HSF2BP: variants seen among roughly 807,000 people sequenced by gnomAD.
The protein encoded by HSF2BP is heat shock factor 2-binding protein.
HSF2BP carries 35 observed loss-of-function variants against 35.0 expected under a neutral mutation model. The observed-to-expected ratio is 1.00, with a 90% confidence interval of 0.76 to 1.32. The LOEUF is 1.32. Ranked by LOEUF, HSF2BP falls within the 40% of genes most tolerant of loss-of-function variation. The pLI is 0.00. For synonymous variants in HSF2BP, 114 were observed against 117.4 expected (o/e 0.97, Z 0.18); for missense variants, 326 against 321.7 (o/e 1.01, Z -0.10).
intron 6 of HSF2BP, among the ~76,000 whole-genome samples, chr21:43,620,349 T>G (rs1009550624): frequency 6.6e-6 from 1 of 152,188 alleles, no homozygotes; most frequent in Admixed American, 6.5e-5. Context: ...CAAGATAACA[T>G]AGAAAAGTAA....
intron 3 of HSF2BP, among the ~76,000 whole-genome samples, chr21:43,645,782 C>G (rs2082700918): frequency 6.6e-6 from 1 of 152,082 alleles, no homozygotes; most frequent in Admixed American, 6.6e-5. Context: ...GCGGGTAGGG[C>G]TTTCGAATCT....
chr21:43,616,041 G>GAA (rs72045043), intron 6 of HSF2BP, among the ~76,000 whole-genome samples: 2,021 of 141,240 alleles, frequency 0.014, 46 homozygotes, highest in African/African-American at 0.044. Flanking sequence ...CATCGCTGAA[G>GAA]AAAAAAAAAA....
intron 8 of HSF2BP, among the ~76,000 whole-genome samples, chr21:43,584,233 A>C (rs1359897532): frequency 6.6e-6 from 1 of 151,732 alleles, no homozygotes; most frequent in Non-Finnish European, 1.5e-5. Flanking sequence ...TGAAGACCTG[A>C]TGAGGGAGAT....
chr21:43,592,934 C>T (rs1489398957), intron 7 of HSF2BP, among the ~76,000 whole-genome samples: 1 of 152,200 alleles, frequency 6.6e-6, no homozygotes, highest in Non-Finnish European at 1.5e-5. Flanking sequence ...AACTACAGGA[C>T]TTTGGTTTCT....
At chr21:43,629,683 G>A (rs2082430643) in intron 6 of HSF2BP, among the ~76,000 whole-genome samples, 1 of 152,078 alleles carries the variant, frequency 6.6e-6, no homozygotes, top group Admixed American at 6.5e-5. Context: ...CAGACGTGGT[G>A]GCAGAAAAAA....
At chr21:43,623,767 T>C (rs904594732) in intron 6 of HSF2BP, among the ~76,000 whole-genome samples, 2 of 152,164 alleles carry the variant, frequency 1.3e-5, no homozygotes, top group Admixed American at 6.5e-5. Context: ...GCTATTGTCC[T>C]GACAGATGAT....
chr21:43,612,519 C>T (rs1299929287), intron 7 of HSF2BP, among the ~76,000 whole-genome samples: 5 of 151,984 alleles, frequency 3.3e-5, no homozygotes, highest in East Asian at 3.9e-4. Flanking sequence ...GGCGTGGTGG[C>T]GGGCGCCTGT....
chr21:43,592,267 C>T lies in HSF2BP; in HGVS notation c.754G>A (p.Glu252Lys), dbSNP rs184356147. Residue 252 changes from glutamate to lysine, a missense_variant, in exon 8 of 9, where the codon GAG (glutamate) becomes AAG (lysine). Coordinates refer to ENST00000291560, the MANE Select transcript of HSF2BP (RefSeq NM_007031.2). ...AGCAAAGGGATGAATCCTGGACTCT[C>T]GCTGATGTATTTCAAGCCTTTCAAA... Reference protein sequence around the residue: ...INLKGLKYISESPGFIPLLWW... With the variant: ...INLKGLKYISKSPGFIPLLWW... 9.3e-6 allele frequency: 15 copies of T among 1,613,808 alleles called. No individual in the cohort carries two copies. In the East Asian group the frequency reaches 1.8e-4, roughly 19 times the overall value.
At chr21:43,575,845 G>T (rs1026206063) in intron 8 of HSF2BP, among the ~76,000 whole-genome samples, 1 of 152,194 alleles carries the variant, frequency 6.6e-6, no homozygotes, top group African/African-American at 2.4e-5. Flanking sequence ...TCGGCCAGGC[G>T]CAGTGGCTCA....
At chr21:43,618,862 G>A (rs889619905) in intron 6 of HSF2BP, among the ~76,000 whole-genome samples, 21 of 151,458 alleles carry the variant, frequency 1.4e-4, no homozygotes, top group Non-Finnish European at 2.5e-4. Flanking sequence ...AAAGAATGGC[G>A]TGAACCCGGG....
chr21:43,586,220 G>A (rs2081849219), intron 8 of HSF2BP, among the ~76,000 whole-genome samples: 1 of 152,188 alleles, frequency 6.6e-6, no homozygotes, highest in South Asian at 2.1e-4. Context: ...TGTGGCTTAA[G>A]AGGAATGTGA....
chr21:43,601,061 G>T (rs2082045878), intron 7 of HSF2BP, among the ~76,000 whole-genome samples: 1 of 152,112 alleles, frequency 6.6e-6, no homozygotes, highest in Admixed American at 6.6e-5. Context: ...TAGACATTTA[G>T]GTAATTTCCT....
intron 8 of HSF2BP, among the ~76,000 whole-genome samples, chr21:43,578,988 A>C (rs1053146692): frequency 6.6e-6 from 1 of 152,226 alleles, no homozygotes; most frequent in East Asian, 1.9e-4. Context: ...TTTTCTTAAC[A>C]ATTTCAGCAC....
chr21:43,632,105 CCA>C (rs1260339068), intron 5 of HSF2BP, among the ~76,000 whole-genome samples: 1 of 35,422 alleles, frequency 2.8e-5, no homozygotes, highest in African/African-American at 8.3e-5. Context: ...CACGCTCTCC[CCA>C]CACACACGCT....
In HSF2BP at chr21:43,658,118, G is replaced by C. The variant is rs943671003; in HGVS notation, c.-22C>G. 2 of 1,522,128 alleles carry C rather than the reference G, an allele frequency of 1.3e-6. No homozygotes were observed. Among genetic ancestry groups the C allele is most frequent in the African/African-American group, 2.8e-5 (2 of 72,244 alleles). The allele number at this position is 1,522,128 out of a possible 1,614,324, so 94.3% of individuals were successfully genotyped here. The stretch of plus-strand genomic sequence containing the variant: ...CCATGGCCGCTGCCGCCTCCGCTCC[G>C]TTCGCCTGAGCGTCGGCGCGCCCTC... On this transcript the variant is annotated 5_prime_UTR_variant, in exon 2 of 9. Transcript: ENST00000291560.
At chr21:43,617,087 T>G (rs2146938782) in intron 6 of HSF2BP, among the ~76,000 whole-genome samples, 1 of 152,194 alleles carries the variant, frequency 6.6e-6, no homozygotes. Context: ...CCCCAGATGT[T>G]GGAGAGCAGA....
intron 8 of HSF2BP, among the ~76,000 whole-genome samples, chr21:43,586,349 C>G (rs1164007338): frequency 1.3e-5 from 2 of 152,158 alleles, no homozygotes; most frequent in Non-Finnish European, 2.9e-5. Flanking sequence ...TTAATAGCAA[C>G]TGGTCTCGTA....
At chr21:43,624,139 ACC>A (rs2146968224) in intron 6 of HSF2BP, among the ~76,000 whole-genome samples, 1 of 152,342 alleles carries the variant, frequency 6.6e-6, no homozygotes, top group Admixed American at 6.5e-5. Context: ...CGAGGTAGAT[ACC>A]CAGAAAAACT....
intron 8 of HSF2BP, among the ~76,000 whole-genome samples, chr21:43,587,458 G>T (rs561522860): frequency 2.6e-5 from 4 of 152,138 alleles, no homozygotes; most frequent in African/African-American, 9.6e-5. Flanking sequence ...CTGAGGGCGG[G>T]AGTTCGAGAC....
Sources: allele counts gnomAD v4.1 joint callset (sites outside exome capture counted in the v4.1 genomes callset), GRCh38; gene constraint gnomAD v4.1.1; transcripts MANE v1.5; gene names NCBI Gene and HGNC (gene_info 2026-07-23, HGNC 2026-07-21).